The following ZNF251 variants were observed in gnomAD, a reference collection of about 807,000 sequenced individuals.
ZNF251 encodes zinc finger protein 251.
A neutral mutation model predicts 13.5 loss-of-function variants in ZNF251; 14 were observed. The ratio of observed to expected loss-of-function variants is 1.04; its 90% CI spans 0.69 to 1.63. The LOEUF is 1.63. Ranked by LOEUF, ZNF251 falls within the 40% of genes most tolerant of loss-of-function variation. The pLI is 0.00. For missense variants in ZNF251, 764 were observed against 834.9 expected, an observed-to-expected ratio of 0.92 and a Z score of 1.05; for synonymous variants, 287 against 295.2, an observed-to-expected ratio of 0.97 and a Z score of 0.28.
At chr8:144,755,307 G>A in intron 1 of ZNF251, 98 bp downstream of exon 1, 2 of 1,270,050 alleles carry the variant, frequency 1.6e-6, no homozygotes, top group South Asian at 2.5e-5. Context: ...CCCAGAACAG[G>A]CTCCTCCTGG....
At chr8:144,753,468 G>A (rs777293822) in intron 4 of ZNF251, 1 of 525,948 alleles carries the variant, frequency 1.9e-6, no homozygotes, top group Non-Finnish European at 3.4e-6. Context: ...ATCAGAAGTA[G>A]TATATATATA....
At chr8:144,750,336 G>A (rs1036091634) in intron 4 of ZNF251, among the ~76,000 whole-genome samples, 3 of 152,096 alleles carry the variant, frequency 2.0e-5, no homozygotes, top group African/African-American at 7.2e-5. Context: ...CTATGAGCAG[G>A]GCTCAGTCTT....
In ZNF251 at chr8:144,722,044, G is replaced by A; in HGVS notation, c.1616C>T (p.Thr539Ile). ...AAAGGCTCTGCCGTGCTTCTCTCCAGTGGGAATCTGTCCATCTGCTGTGAG... is the reference window on the plus strand; with the variant it reads ...AAAGGCTCTGCCGTGCTTCTCTCCAATGGGAATCTGTCCATCTGCTGTGAG... ...SSLTADGQIP[T>I]GEKHGRAFNH... Residue 539 changes from threonine (T) to isoleucine (I), a missense_variant, in exon 5 of 5, where the codon ACT (threonine) becomes ATT (isoleucine). Thr to Ile is a moderately conservative substitution (Grantham distance 89, BLOSUM62 -1). Coordinates refer to ENST00000292562, the MANE Select transcript of ZNF251 (RefSeq NM_138367.2). This position sits in a 1 kb window ranked among gnomAD's most constrained non-coding sequence, Gnocchi z 4.8. 1.2e-6 allele frequency: 2 copies of A among 1,613,186 alleles called. No individual in the cohort carries two copies. Among genetic ancestry groups the A allele is most frequent in the Non-Finnish European group, 1.7e-6 (2 of 1,179,474 alleles).
intron 4 of ZNF251, chr8:144,730,014 C>A (rs1199200224): frequency 1.0e-6 from 1 of 983,648 alleles, no homozygotes; most frequent in African/African-American, 1.7e-5. Flanking sequence ...TTCCCAGGAG[C>A]GGGTGCCCTC....
In ZNF251 at chr8:144,722,673, G is replaced by T; in HGVS notation, c.987C>A (p.Gly329=). The change falls in exon 5 of 5, where the codon GGC becomes GGA. Residue 329 remains glycine, a synonymous_variant. Coordinates refer to ENST00000292562, the MANE Select transcript of ZNF251 (RefSeq NM_138367.2). The surrounding 1 kb of genome is among the most constrained non-coding windows in gnomAD (Gnocchi z 4.8). ...GAGTTAACTGGGGGCTCTGGCTAAA[G>T]CCTCTTCCACATTCATTACACTTGT... ...KPYKCNECGR[G]FSQSPQLTQH... is the part of the protein sequence containing the mutation. 4 of 1,614,132 alleles carry T rather than the reference G, an allele frequency of 2.5e-6. No individual in the cohort carries two copies. The highest frequency in any genetic ancestry group is 3.4e-6 in the Non-Finnish European group (4 of 1,180,010).
At chr8:144,725,027 CTTTGAGACAGAGTT>C (rs892137687) in intron 4 of ZNF251, among the ~76,000 whole-genome samples, 3 of 146,740 alleles carry the variant, frequency 2.0e-5, no homozygotes, top group African/African-American at 7.5e-5. Flanking sequence ...TTTTTTTTTT[CTTTGAGACAGAGTT>C]TCACTCTTGT....
chr8:144,738,475 C>A (rs902214375), intron 4 of ZNF251: 11 of 878,504 alleles, frequency 1.3e-5, no homozygotes, highest in Non-Finnish European at 1.5e-5. Flanking sequence ...GAAATGGCAA[C>A]TGCGGGACCA....
At chr8:144,728,385 C>A (rs1301836964) in intron 4 of ZNF251, among the ~76,000 whole-genome samples, 2 of 152,066 alleles carry the variant, frequency 1.3e-5, no homozygotes, top group African/African-American at 4.8e-5. Flanking sequence ...GGTTTGAGGC[C>A]AGGCGCAGTA....
In ZNF251 at chr8:144,734,923, A is replaced by G. The variant is rs912262492; in HGVS notation, c.278-11541T>C. Among the ~76,000 whole-genome samples, 78 of 151,884 alleles carry G rather than the reference A, an allele frequency of 5.1e-4. No homozygotes were observed. Among genetic ancestry groups the G allele is most frequent in the African/African-American group, 1.8e-3 (74 of 41,398 alleles). On this transcript the variant is annotated intron_variant, in intron 4 of 4. Transcript: ENST00000292562. The surrounding 1 kb of genome is among the most constrained non-coding windows in gnomAD (Gnocchi z 4.4). Reference sequence around the variant, plus strand: ...ACCCCGTCTCTACTAAAAATACAAAAATTAGCCAGACGTGGTGGTGCATGC... The same window carrying G: ...ACCCCGTCTCTACTAAAAATACAAAGATTAGCCAGACGTGGTGGTGCATGC...
chr8:144,731,948 A>ATTTT (rs59877504), intron 4 of ZNF251, among the ~76,000 whole-genome samples: 2 of 141,978 alleles, frequency 1.4e-5, no homozygotes, highest in Admixed American at 7.1e-5. Flanking sequence ...TGACAGCTGC[A>ATTTT]TTTTTTTTTT....
intron 4 of ZNF251, among the ~76,000 whole-genome samples, chr8:144,733,765 G>A (rs1398672559): frequency 3.3e-5 from 5 of 152,072 alleles, no homozygotes; most frequent in African/African-American, 7.2e-5. Flanking sequence ...AGACATATAC[G>A]TAAGCAAATC....
chr8:144,724,803 G>C lies in ZNF251; in HGVS notation c.278-1421C>G, dbSNP rs1362514054. On this transcript the variant is annotated intron_variant, in intron 4 of 4. Coordinates refer to ENST00000292562, the MANE Select transcript of ZNF251 (RefSeq NM_138367.2). ...GCTCATATTACAAAGAGAAGAATCA[G>C]GTTCTAAAATTATATGCACAGCATA... Among the ~76,000 whole-genome samples the C allele has an allele frequency of 2.0e-5, 3 of 152,080 alleles. No individual in the cohort carries two copies. The East Asian group carries it at 5.8e-4, about 29-fold the overall frequency.
intron 4 of ZNF251, among the ~76,000 whole-genome samples, chr8:144,739,690 G>A (rs948023436): frequency 1.3e-5 from 2 of 152,070 alleles, no homozygotes; most frequent in Non-Finnish European, 2.9e-5. Flanking sequence ...CTTGAGCCCA[G>A]GAGTTCAAAA....
chr8:144,754,152 G>C, intron 3 of ZNF251, 40 bp downstream of exon 3: 1 of 1,593,414 alleles, frequency 6.3e-7, no homozygotes, highest in Non-Finnish European at 8.6e-7. Context: ...GCTCCTCAGA[G>C]GCCCCCACTG....
Position 144,739,484 on chromosome 8 carries a change from G to A in ZNF251, c.277+14199C>T, listed in dbSNP as rs530247894. Among the ~76,000 whole-genome samples, 7 of 152,228 alleles carry A rather than the reference G, an allele frequency of 4.6e-5. No homozygotes were observed. In the South Asian group the frequency reaches 8.3e-4, roughly 18 times the overall value. On this transcript the variant is annotated intron_variant, in intron 4 of 4. Transcript: ENST00000292562. ...CTTGCAACTAGACTCCAACCTACAG[G>A]GCTTTCTACAAAATATAGAGCCCAG...
intron 4 of ZNF251, among the ~76,000 whole-genome samples, chr8:144,743,342 G>C (rs1448988418): frequency 3.9e-5 from 6 of 152,194 alleles, no homozygotes; most frequent in South Asian, 4.1e-4. Context: ...GGGGTTACAG[G>C]CATGAAGCAC....
intron 4 of ZNF251, among the ~76,000 whole-genome samples, chr8:144,732,740 A>T (rs759396061): frequency 5.1e-4 from 76 of 148,218 alleles, no homozygotes; most frequent in Non-Finnish European, 1.1e-3. Context: ...TGAACCCGGG[A>T]GGCGGAGCTT....
chr8:144,721,918 G>A lies in ZNF251; in HGVS notation c.1742C>T (p.Pro581Leu). The A allele has an allele frequency of 6.6e-7, 1 of 1,507,944 alleles. No homozygotes were observed. Among genetic ancestry groups the A allele is most frequent in the East Asian group, 2.3e-5 (1 of 43,888 alleles). 93.4% of individuals were successfully genotyped at this position (1,507,944 alleles called of 1,614,324 possible). ...AGCATGCATTATCTGATCTTCAGTGGGTCGTGAGGTGGGACTGAAAGCTTT... is the reference window on the plus strand; with the variant it reads ...AGCATGCATTATCTGATCTTCAGTGAGTCGTGAGGTGGGACTGAAAGCTTT... ...YGKAFSPTSR[P>L]TEDQIMHAGE... The change falls in exon 5 of 5, where the codon CCC becomes CTC. Residue 581 changes from proline (P) to leucine (L), a missense_variant. Coordinates refer to ENST00000292562, the MANE Select transcript of ZNF251 (RefSeq NM_138367.2).
At chr8:144,737,327 G>A (rs557016634) in intron 4 of ZNF251, among the ~76,000 whole-genome samples, 15 of 151,944 alleles carry the variant, frequency 9.9e-5, no homozygotes, top group African/African-American at 3.1e-4. Context: ...TGAACTCCTG[G>A]TCTCAAGTGA....
Sources: gnomAD v4.1 joint callset for allele counts (sites outside exome capture counted in the v4.1 genomes callset) on GRCh38, gnomAD v4.1.1 for gene constraint, Gnocchi (gnomAD v3.1) non-coding constraint, MANE v1.5 for transcripts, NCBI Gene and HGNC (gene_info 2026-07-23, HGNC 2026-07-21) for gene names.